Variants in SRD5A2 observed in about 807,000 individuals in gnomAD.
The protein encoded by SRD5A2 is 3-oxo-5-alpha-steroid 4-dehydrogenase 2.
In SRD5A2, 30 loss-of-function variants were observed where a neutral mutation model predicts 27.4. The ratio of observed to expected loss-of-function variants is 1.10; its 90% CI spans 0.82 to 1.49. SRD5A2 has a LOEUF of 1.49. Among genes scored for constraint, SRD5A2 ranks in the 40% most tolerant of loss-of-function variants. The pLI is 0.00. For missense variants in SRD5A2, 348 were observed against 323.4 expected (o/e 1.08, Z -0.58); for synonymous variants, 141 against 133.6 (o/e 1.06, Z -0.38).
chr2:31,606,652 A>C, the SRD5A2 span, among the ~76,000 whole-genome samples: 1 of 151,922 alleles, frequency 6.6e-6, no homozygotes, highest in Non-Finnish European at 1.5e-5. Context: ...AGACTGAATC[A>C]TTACCCATGT....
chr2:31,642,357 T>G, the SRD5A2 span, among the ~76,000 whole-genome samples: 1 of 152,044 alleles, frequency 6.6e-6, no homozygotes, highest in African/African-American at 2.4e-5. Flanking sequence ...ACCAAGTCCT[T>G]GCATCTGAAT....
At chr2:31,583,657 AAAAAG>A (rs1558379529), upstream of SRD5A2, among the ~76,000 whole-genome samples, 2 of 127,168 alleles carry the variant, frequency 1.6e-5, no homozygotes. Context: ...AAAACCAAAA[AAAAAG>A]CAAAAAAAAA....
At position 31,529,436 on chromosome 2, in the gene SRD5A2, G is replaced by A; in HGVS notation, c.569C>T (p.Ser190Phe). ...IPQGGLFTYV[S>F]GANFLGEIIE... ...GATCTCACCGAGGAAATTGGCTCCAGAAACATACGTAAACAAGCCACCTGC... is the reference window on the plus strand; with the variant it reads ...GATCTCACCGAGGAAATTGGCTCCAAAAACATACGTAAACAAGCCACCTGC... The change falls in exon 4 of 5, where the codon TCT (serine) becomes TTT (phenylalanine). Residue 190 changes from serine (S) to phenylalanine (F), a missense_variant. Transcript: ENST00000622030. 3.7e-6 allele frequency: 6 copies of A among 1,613,642 alleles called. No individual in the cohort carries two copies. Among genetic ancestry groups the A allele is most frequent in the Non-Finnish European group, 5.1e-6 (6 of 1,179,752 alleles).
upstream of SRD5A2, among the ~76,000 whole-genome samples, chr2:31,583,652 C>CAAAAAAAAAGAAAAAAAAAAA (rs1667126027): frequency 4.8e-5 from 1 of 20,922 alleles, no homozygotes; most frequent in African/African-American, 1.3e-4. Context: ...AAAAAAAAAC[C>CAAAAAAAAAGAAAAAAAAAAA]AAAAAAAAAG....
chr2:31,534,370 C>T (rs1177163928), intron 1 of SRD5A2, among the ~76,000 whole-genome samples: 1 of 152,042 alleles, frequency 6.6e-6, no homozygotes, highest in Non-Finnish European at 1.5e-5. Flanking sequence ...CTAATATTTA[C>T]TCATTGTGGG....
At chr2:31,594,313 T>C in the SRD5A2 span, among the ~76,000 whole-genome samples, 5 of 152,034 alleles carry the variant, frequency 3.3e-5, no homozygotes, top group Admixed American at 6.5e-5. Context: ...AGACTCACCA[T>C]ACACATAAAG....
the SRD5A2 span, among the ~76,000 whole-genome samples, chr2:31,596,621 C>G: frequency 6.6e-6 from 1 of 152,058 alleles, no homozygotes; most frequent in Non-Finnish European, 1.5e-5. Context: ...GCTCCTAGAA[C>G]TGGTAAATGA....
At chr2:31,604,167 C>T in the SRD5A2 span, among the ~76,000 whole-genome samples, 1 of 151,756 alleles carries the variant, frequency 6.6e-6, no homozygotes, top group Non-Finnish European at 1.5e-5. Context: ...AGACTCACAG[C>T]TAGTATCACA....
intron 1 of SRD5A2, among the ~76,000 whole-genome samples, chr2:31,549,238 A>T (rs966415955): frequency 6.6e-6 from 1 of 151,540 alleles, no homozygotes; most frequent in Non-Finnish European, 1.5e-5. Context: ...TCAGCCTCCC[A>T]AGTAGCTGGG....
At chr2:31,587,183 C>G in the SRD5A2 span, among the ~76,000 whole-genome samples, 1 of 152,142 alleles carries the variant, frequency 6.6e-6, no homozygotes, top group Non-Finnish European at 1.5e-5. Context: ...CAAATCAAAA[C>G]CACAATAAGA....
chr2:31,581,679 G>C (rs759603181), upstream of SRD5A2, among the ~76,000 whole-genome samples: 5 of 152,152 alleles, frequency 3.3e-5, no homozygotes, highest in Non-Finnish European at 7.4e-5. Flanking sequence ...CAGAAGTCGA[G>C]ATTCTGCGCG....
the SRD5A2 span, among the ~76,000 whole-genome samples, chr2:31,647,146 GAAAACAAAAC>G: frequency 4.4e-4 from 67 of 152,034 alleles, no homozygotes; most frequent in African/African-American, 1.6e-3. Flanking sequence ...CCCTGTCTCA[GAAAACAAAAC>G]AAAACAAAAC....
At chr2:31,628,836 T>C in the SRD5A2 span, among the ~76,000 whole-genome samples, 102 of 152,316 alleles carry the variant, frequency 6.7e-4, no homozygotes, top group African/African-American at 2.4e-3. Flanking sequence ...GTTCCCTTTG[T>C]ATGTGATCTT....
At chr2:31,595,876 G>A in the SRD5A2 span, among the ~76,000 whole-genome samples, 2 of 152,154 alleles carry the variant, frequency 1.3e-5, no homozygotes, top group Non-Finnish European at 2.9e-5. Context: ...GGGTTTCATA[G>A]CTGGGACGCA....
At chr2:31,633,076 T>C in the SRD5A2 span, among the ~76,000 whole-genome samples, 1 of 151,962 alleles carries the variant, frequency 6.6e-6, no homozygotes, top group African/African-American at 2.4e-5. Context: ...GCCAAGCAGA[T>C]ATTGAAGCCA....
rs549247204 is a variant in SRD5A2 at position 31,525,065 on chromosome 2, T to C, written c.*1131A>G. 73 of 217,406 alleles carry C rather than the reference T, an allele frequency of 3.4e-4. No homozygotes were observed. Among genetic ancestry groups the C allele is most frequent in the African/African-American group, 1.6e-3 (71 of 44,584 alleles). 13.5% of individuals were successfully genotyped at this position (217,406 alleles called of 1,614,324 possible). A position where few individuals can be genotyped will look rare whatever the true frequency, so the allele number is the denominator to read the frequency against. On this transcript the variant is annotated 3_prime_UTR_variant, in exon 5 of 5. Transcript: ENST00000622030. ...TTGTAAAAAAAAAAAAAACTATATG[T>C]CTGAGCCAAACAAAACAGGTTTTCT...
the SRD5A2 span, among the ~76,000 whole-genome samples, chr2:31,631,492 C>T: frequency 6.6e-6 from 1 of 152,170 alleles, no homozygotes; most frequent in Admixed American, 6.5e-5. Flanking sequence ...CGTTCCCCCC[C>T]AAGGCAAAAA....
upstream of SRD5A2, among the ~76,000 whole-genome samples, chr2:31,584,657 T>C (rs1173206919): frequency 3.9e-5 from 6 of 152,212 alleles, no homozygotes; most frequent in South Asian, 4.1e-4. Flanking sequence ...GAAAGCACTA[T>C]ACTTACAACT....
the SRD5A2 span, among the ~76,000 whole-genome samples, chr2:31,626,446 G>A: frequency 6.6e-6 from 1 of 152,012 alleles, no homozygotes; most frequent in Non-Finnish European, 1.5e-5. Flanking sequence ...GGTTTTCAAA[G>A]GAATGCTTCC....
Sources: gnomAD v4.1 joint callset for allele counts (sites outside exome capture counted in the v4.1 genomes callset) on GRCh38, gnomAD v4.1.1 for gene constraint, MANE v1.5 for transcripts, NCBI Gene and HGNC (gene_info 2026-07-23, HGNC 2026-07-21) for gene names.